ROBO1: variants seen among roughly 807,000 people sequenced by gnomAD.
ROBO1 encodes roundabout homolog 1.
Under a neutral mutation model 195.9 loss-of-function variants are expected in ROBO1, and 149 were observed. The ratio of observed to expected loss-of-function variants is 0.76; its 90% CI spans 0.67 to 0.87. The LOEUF is 0.87. Among genes scored for constraint, ROBO1 ranks in the 40% least tolerant of loss-of-function variants. The pLI is 0.00. For missense variants in ROBO1, 1,933 were observed against 2,068.3 expected, an observed-to-expected ratio of 0.93 and a Z score of 1.27; for synonymous variants, 816 against 733.2, an observed-to-expected ratio of 1.11 and a Z score of -1.82.
intron 5 of ROBO1, among the ~76,000 whole-genome samples, chr3:78,734,989 C>G (rs1362722695): frequency 6.6e-6 from 1 of 152,088 alleles, no homozygotes; most frequent in Non-Finnish European, 1.5e-5. Flanking sequence ...AATGGGCATG[C>G]AGATTATACA....
intron 2 of ROBO1, among the ~76,000 whole-genome samples, chr3:79,356,820 C>A (rs906978341): frequency 6.6e-6 from 1 of 152,070 alleles, no homozygotes; most frequent in Non-Finnish European, 1.5e-5. Flanking sequence ...GCATTCAGGG[C>A]AGGTTCATCA....
intron 2 of ROBO1, among the ~76,000 whole-genome samples, chr3:79,566,878 C>A (rs1206506342): frequency 6.6e-6 from 1 of 151,996 alleles, no homozygotes. Context: ...AGTGGCGATT[C>A]CTAAAGGACA....
At chr3:79,466,847 T>C (rs1937986583) in intron 2 of ROBO1, among the ~76,000 whole-genome samples, 1 of 152,182 alleles carries the variant, frequency 6.6e-6, no homozygotes, top group South Asian at 2.1e-4. Flanking sequence ...AAAATAGTGT[T>C]CTCTGTATTC....
chr3:79,574,716 A>C (rs1318896616), intron 2 of ROBO1, among the ~76,000 whole-genome samples: 1 of 151,870 alleles, frequency 6.6e-6, no homozygotes, highest in Non-Finnish European at 1.5e-5. Context: ...TTTTACATCA[A>C]GTTAGTACAC....
At chr3:79,578,487 T>C (rs1943563650) in intron 2 of ROBO1, among the ~76,000 whole-genome samples, 1 of 152,208 alleles carries the variant, frequency 6.6e-6, no homozygotes, top group Non-Finnish European at 1.5e-5. Flanking sequence ...TTAGCACTAT[T>C]TAATTGACAA....
chr3:78,666,851 A>G (rs1055914705), intron 14 of ROBO1, among the ~76,000 whole-genome samples: 2 of 152,172 alleles, frequency 1.3e-5, no homozygotes, highest in Non-Finnish European at 2.9e-5. Context: ...TCTTGTGTAT[A>G]ACTTGTTTCT....
intron 4 of ROBO1, among the ~76,000 whole-genome samples, chr3:78,828,701 C>T (rs1401835771): frequency 6.6e-6 from 1 of 152,124 alleles, no homozygotes. Flanking sequence ...GATCTCTTCT[C>T]CTCATTTTTC....
chr3:78,837,448 T>C (rs1013439160), intron 4 of ROBO1, among the ~76,000 whole-genome samples: 12 of 152,142 alleles, frequency 7.9e-5, no homozygotes, highest in Non-Finnish European at 1.3e-4. Flanking sequence ...TGATTTAAAA[T>C]AGGTATTTCT....
intron 2 of ROBO1, among the ~76,000 whole-genome samples, chr3:79,551,980 TAAAAAAAAAAAA>T (rs771824432): frequency 4.3e-4 from 19 of 44,264 alleles, no homozygotes; most frequent in Non-Finnish European, 5.3e-4. Flanking sequence ...TCTACAGAGT[TAAAAAAAAAAAA>T]AAAAAAAAAA....
intron 3 of ROBO1, among the ~76,000 whole-genome samples, chr3:78,962,174 T>C (rs1287590559): frequency 2.0e-5 from 3 of 152,204 alleles, no homozygotes; most frequent in South Asian, 4.2e-4. Context: ...GAACACCAAG[T>C]TAGGAGTAAA....
intron 1 of ROBO1, among the ~76,000 whole-genome samples, chr3:79,731,631 G>A (rs1438715606): frequency 1.3e-5 from 2 of 152,030 alleles, no homozygotes; most frequent in Non-Finnish European, 2.9e-5. Flanking sequence ...TACATATTGA[G>A]TAGGCACAAA....
intron 2 of ROBO1, among the ~76,000 whole-genome samples, chr3:79,298,827 T>C (rs1468940244): frequency 6.6e-6 from 1 of 152,154 alleles, no homozygotes; most frequent in Non-Finnish European, 1.5e-5. Context: ...ACTAATTGAG[T>C]AATCTAGGAA....
Position 78,617,844 on chromosome 3 carries a change from C to G in ROBO1, c.4073G>C (p.Ser1358Thr). The change falls in exon 27 of 31, where the codon AGT becomes ACT. Residue 1358 changes from serine to threonine, a missense_variant. Physicochemically the swap from Ser to Thr is moderately conservative, Grantham distance 58. Coordinates refer to ENST00000464233, the MANE Select transcript of ROBO1 (RefSeq NM_002941.4). ...GACAGAGCTCTCCAGGTCCCCAACA[C>G]TGGAGGCAGGTGTCTGCTCAAGCCC... is the stretch of plus-strand genomic sequence containing the variant. ...LRGLEQTPAS[S>T]VGDLESSVTG... 1 of 1,613,962 alleles carries G rather than the reference C, an allele frequency of 6.2e-7. No individual in the cohort carries two copies. The highest frequency in any genetic ancestry group is 8.5e-7 in the Non-Finnish European group (1 of 1,179,880).
intron 2 of ROBO1, among the ~76,000 whole-genome samples, chr3:79,506,576 C>T (rs1400097628): frequency 6.6e-6 from 1 of 151,988 alleles, no homozygotes; most frequent in African/African-American, 2.4e-5. Flanking sequence ...TCCTGCATAG[C>T]TGGGACTACA....
At chr3:79,242,129 G>A (rs895844397) in intron 2 of ROBO1, among the ~76,000 whole-genome samples, 1 of 151,972 alleles carries the variant, frequency 6.6e-6, no homozygotes, top group Non-Finnish European at 1.5e-5. Context: ...GAACATAAGG[G>A]TAGGAATTGA....
chr3:79,105,999 A>G (rs565821601), intron 3 of ROBO1, among the ~76,000 whole-genome samples: 1 of 151,816 alleles, frequency 6.6e-6, no homozygotes, highest in South Asian at 2.1e-4. Flanking sequence ...AAGGTAATGT[A>G]TATATTGAAA....
chr3:79,058,410 G>A (rs1054824088), intron 3 of ROBO1, among the ~76,000 whole-genome samples: 13 of 151,946 alleles, frequency 8.6e-5, no homozygotes, highest in East Asian at 5.8e-4. Context: ...CCAAGGCCTC[G>A]TATGATACTC....
At chr3:78,954,776 T>C (rs1028753254) in intron 3 of ROBO1, among the ~76,000 whole-genome samples, 2 of 152,164 alleles carry the variant, frequency 1.3e-5, no homozygotes, top group Admixed American at 1.3e-4. Context: ...TTGAGCCAAC[T>C]ATAACCTCAA....
At chr3:78,863,929 C>T (rs2035005579) in intron 4 of ROBO1, among the ~76,000 whole-genome samples, 1 of 152,146 alleles carries the variant, frequency 6.6e-6, no homozygotes, top group Non-Finnish European at 1.5e-5. Context: ...AATAACATAA[C>T]TTTTTATGTT....
Sources: allele counts gnomAD v4.1 joint callset (sites outside exome capture counted in the v4.1 genomes callset), GRCh38; gene constraint gnomAD v4.1.1; transcripts MANE v1.5; gene names NCBI Gene and HGNC (gene_info 2026-07-23, HGNC 2026-07-21).